The following OSCP1 variants were observed in gnomAD, a reference collection of about 807,000 sequenced individuals.
The protein encoded by OSCP1 is protein OSCP1.
OSCP1 carries 35 observed loss-of-function variants against 45.1 expected under a neutral mutation model. That is an observed-to-expected ratio of 0.78 (90% confidence interval 0.59 to 1.03). The LOEUF (loss-of-function observed/expected upper bound fraction) is 1.03. Ranked by LOEUF, OSCP1 falls within the 50% of genes least tolerant of loss-of-function variation. The pLI is 0.00. For synonymous variants in OSCP1, 179 were observed against 180.1 expected (o/e 0.99, Z 0.05); for missense variants, 400 against 470.7 (o/e 0.85, Z 1.39).
intron 7 of OSCP1, 122 bp from the exon 8 acceptor site, chr1:36,420,737 G>A: frequency 2.2e-6 from 3 of 1,333,586 alleles, no homozygotes; most frequent in Non-Finnish European, 3.0e-6. Context: ...AATTATTTCT[G>A]GGTCCAAATA....
chr1:36,448,020 G>T, intron 1 of OSCP1: 1 of 332,820 alleles, frequency 3.0e-6, no homozygotes, highest in South Asian at 2.2e-5. Context: ...CAAGGGCCTT[G>T]TCCAGACCTC....
chr1:36,433,732 G>C (rs545003078), intron 2 of OSCP1, among the ~76,000 whole-genome samples: 1 of 152,182 alleles, frequency 6.6e-6, no homozygotes, highest in Non-Finnish European at 1.5e-5. Flanking sequence ...AAGTTAGGGG[G>C]TTAAAGTTTT....
intron 2 of OSCP1, among the ~76,000 whole-genome samples, chr1:36,436,080 A>C (rs1648709032): frequency 6.6e-6 from 1 of 150,694 alleles, no homozygotes; most frequent in South Asian, 2.1e-4. Context: ...ATGATTTTTA[A>C]AATTTTTCTT....
intron 4 of OSCP1, chr1:36,428,189 CAAAAAAAAA>C (rs71053930): frequency 2.5e-5 from 21 of 847,148 alleles, no homozygotes; most frequent in East Asian, 6.5e-5. Flanking sequence ...GACTGCATCT[CAAAAAAAAA>C]AAAAAAAAAA....
intron 2 of OSCP1, among the ~76,000 whole-genome samples, chr1:36,436,270 A>ATTTT (rs558128409): frequency 3.5e-5 from 5 of 142,550 alleles, no homozygotes; most frequent in Non-Finnish European, 6.2e-5. Context: ...CACCGGGCTA[A>ATTTT]TTTTTTTTTT....
chr1:36,423,322 T>G, intron 5 of OSCP1, 41 bp downstream of exon 5: 1 of 1,492,808 alleles, frequency 6.7e-7, no homozygotes, highest in Non-Finnish European at 9.3e-7. Context: ...GCTGATTTCC[T>G]AGCACCCCAA....
At position 36,447,648 on chromosome 1, in the gene OSCP1, T is replaced by C. The variant is rs1649627536; in HGVS notation, c.112+2610A>G. ...GCAAATTAGTCTTAGTTTCTCCATC[T>C]GTAAAATGGGGATAGTAATATTACC... On this transcript the variant is annotated intron_variant, in intron 1 of 9. Coordinates refer to ENST00000235532, the MANE Select transcript of OSCP1 (RefSeq NM_145047.5). This position sits in a 1 kb window ranked among gnomAD's most constrained non-coding sequence, Gnocchi z 4.1. 6.6e-6 allele frequency among the ~76,000 whole-genome samples: 1 copy of C among 152,268 alleles called. No homozygotes were observed. The highest frequency in any genetic ancestry group is 1.5e-5 in the Non-Finnish European group (1 of 68,044).
In OSCP1 at chr1:36,432,472, A is replaced by G; in HGVS notation, c.385T>C (p.Ser129Pro). The change falls in exon 3 of 10, where the codon TCC becomes CCC. Residue 129 changes from serine to proline, a missense_variant. Transcript: ENST00000235532. ...LDTIKGFIRD[S>P]PTILQQVDET... is the part of the protein sequence containing the mutation. Reference sequence around the variant, plus strand: ...TCCACTTGCTGCAGGATGGTTGGGGAGTCTCGGATGAATCCCTTGATGGTA... The same window carrying G: ...TCCACTTGCTGCAGGATGGTTGGGGGGTCTCGGATGAATCCCTTGATGGTA... 2 of 1,614,106 alleles carry G rather than the reference A, an allele frequency of 1.2e-6. No individual in the cohort carries two copies. The highest frequency in any genetic ancestry group is 1.7e-6 in the Non-Finnish European group (2 of 1,180,020).
At chr1:36,428,299 T>G (rs1370064658) in intron 4 of OSCP1, 1 of 1,608,722 alleles carries the variant, frequency 6.2e-7, no homozygotes, top group Non-Finnish European at 8.5e-7. Flanking sequence ...ATACATTGCA[T>G]TTCTTCCCCT....
chr1:36,439,698 C>T (rs934107945), intron 1 of OSCP1, among the ~76,000 whole-genome samples: 2 of 152,148 alleles, frequency 1.3e-5, no homozygotes, highest in Non-Finnish European at 2.9e-5. Context: ...AAGACATGTA[C>T]TTTGAATAGC....
chr1:36,419,991 T>G (rs1647512505), intron 8 of OSCP1, among the ~76,000 whole-genome samples: 1 of 151,572 alleles, frequency 6.6e-6, no homozygotes, highest in Admixed American at 6.6e-5. Flanking sequence ...TTTTTTTTTT[T>G]TTGAGACAGA....
intron 1 of OSCP1, among the ~76,000 whole-genome samples, chr1:36,446,064 C>T (rs1481617693): frequency 2.0e-5 from 3 of 151,816 alleles, no homozygotes; most frequent in Admixed American, 2.0e-4. Flanking sequence ...GCTTTGTCGC[C>T]CAGGCTAGAG....
chr1:36,449,835 C>CAAAAAAGA (rs1649778477), intron 1 of OSCP1, among the ~76,000 whole-genome samples: 1 of 20,336 alleles, frequency 4.9e-5, no homozygotes, highest in Non-Finnish European at 7.8e-5. Flanking sequence ...GACCCTGTCT[C>CAAAAAAGA]AAAAAAAAAA....
At position 36,450,343 on chromosome 1, in the gene OSCP1, G is replaced by A. The variant is rs1031353425; in HGVS notation, c.27C>T (p.Leu9=). The change falls in exon 1 of 10, where the codon CTC becomes CTT. Residue 9 remains leucine, a synonymous_variant. Coordinates refer to ENST00000235532, the MANE Select transcript of OSCP1 (RefSeq NM_145047.5). MSVRTLPL[L]FLNLGGEMLY... ...GCATCTCCCCGCCCAAGTTCAAGAA[G>A]AGCAGCGGTAGCGTCCGCACCGACA... The A allele has an allele frequency of 1.9e-6, 3 of 1,613,842 alleles. No homozygotes were observed. The highest frequency in any genetic ancestry group is 3.3e-5 in the Admixed American group (2 of 59,988).
intron 4 of OSCP1, among the ~76,000 whole-genome samples, chr1:36,427,923 C>T (rs1648080142): frequency 6.6e-6 from 1 of 152,024 alleles, no homozygotes; most frequent in Non-Finnish European, 1.5e-5. Flanking sequence ...CGCTGTGGCT[C>T]GCGCCTATAA....
At position 36,418,365 on chromosome 1, in the gene OSCP1, C is replaced by T. The variant is rs555715942; in HGVS notation, c.1024-110G>A. 2.5e-4 allele frequency: 213 copies of T among 841,444 alleles called. 1 individual carries two copies. Among genetic ancestry groups the T allele is most frequent in the Admixed American group, 9.2e-4 (44 of 47,632 alleles). 52.1% of individuals were successfully genotyped at this position (841,444 alleles called of 1,614,324 possible). A position where few individuals can be genotyped will look rare whatever the true frequency, so the allele number is the denominator to read the frequency against. The stretch of plus-strand genomic sequence containing the variant: ...TCCCATGACTGATATGTTTCAGTTG[C>T]GCACCTGTTTGTCAGAAAAGGGATT... On this transcript the variant is annotated intron_variant, in intron 9 of 9. Transcript: ENST00000235532.
At chr1:36,448,192 A>G (rs544995027) in intron 1 of OSCP1, among the ~76,000 whole-genome samples, 1 of 152,216 alleles carries the variant, frequency 6.6e-6, no homozygotes, top group Admixed American at 6.5e-5. Flanking sequence ...TTAAATGGTA[A>G]AGCTGGAATT....
At chr1:36,440,184 T>C (rs1293474362) in intron 1 of OSCP1, among the ~76,000 whole-genome samples, 3 of 152,258 alleles carry the variant, frequency 2.0e-5, no homozygotes, top group Non-Finnish European at 4.4e-5. Flanking sequence ...CATGTCTCTT[T>C]AGAGCAGAGG....
At chr1:36,434,874 T>C (rs1248052403) in intron 2 of OSCP1, among the ~76,000 whole-genome samples, 1 of 151,952 alleles carries the variant, frequency 6.6e-6, no homozygotes, top group African/African-American at 2.4e-5. Flanking sequence ...CTGCCATCAT[T>C]GTCAAACATT....
Sources: allele counts gnomAD v4.1 joint callset (sites outside exome capture counted in the v4.1 genomes callset), GRCh38; gene constraint gnomAD v4.1.1; non-coding constraint Gnocchi (gnomAD v3.1); transcripts MANE v1.5; gene names NCBI Gene and HGNC (gene_info 2026-07-23, HGNC 2026-07-21).